Variants in FOXJ3 observed in about 807,000 individuals in gnomAD.
The protein encoded by FOXJ3 is forkhead box J3, also known as forkhead box protein J3.
FOXJ3 carries 22 observed loss-of-function variants against 76.1 expected under a neutral mutation model. The ratio of observed to expected loss-of-function variants is 0.29; its 90% CI spans 0.21 to 0.41. The LOEUF (loss-of-function observed/expected upper bound fraction) is 0.41. Ranked by LOEUF, FOXJ3 falls within the 10% of genes least tolerant of loss-of-function variation. FOXJ3 has a pLI of 1.00. For synonymous variants in FOXJ3, 269 were observed against 261.2 expected (o/e 1.03, Z -0.29); for missense variants, 613 against 762.1 (o/e 0.80, Z 2.30).
At chr1:42,228,038 C>CAT in intron 4 of FOXJ3, 72 bp from the exon 5 acceptor site, 2 of 727,940 alleles carry the variant, frequency 2.7e-6, no homozygotes, top group Non-Finnish European at 4.3e-6. Flanking sequence ...TTTTATAATC[C>CAT]TTTGCATCAA....
At chr1:42,218,594 A>G (rs1377491995) in intron 5 of FOXJ3, among the ~76,000 whole-genome samples, 3 of 152,212 alleles carry the variant, frequency 2.0e-5, no homozygotes, top group Admixed American at 1.3e-4. Flanking sequence ...AACTATCCAC[A>G]GCAATTTCCT....
intron 5 of FOXJ3, among the ~76,000 whole-genome samples, chr1:42,210,902 G>A (rs1440909271): frequency 6.6e-6 from 1 of 152,106 alleles, no homozygotes; most frequent in Non-Finnish European, 1.5e-5. Context: ...ACAATAGTCT[G>A]GCCCTCAGGG....
rs2124064876 is a variant in FOXJ3, at chr1:42,177,662, C to G, written c.*2048G>C. ...TTCATGCCAAGTAGGGTCCAAACAACAGAGAAACATAAAGCTCTTCCTTTC... is the reference window on the plus strand; with the variant it reads ...TTCATGCCAAGTAGGGTCCAAACAAGAGAGAAACATAAAGCTCTTCCTTTC... On this transcript the variant is annotated 3_prime_UTR_variant, in exon 13 of 13. Coordinates refer to ENST00000361346, the MANE Select transcript of FOXJ3 (RefSeq NM_014947.5). 6.6e-6 allele frequency: 1 copy of G among 152,574 alleles called. No individual in the cohort carries two copies. Among genetic ancestry groups the G allele is most frequent in the East Asian group, 1.9e-4 (1 of 5,168 alleles). 9.5% of individuals were successfully genotyped at this position (152,574 alleles called of 1,614,324 possible). A position where few individuals can be genotyped will look rare whatever the true frequency, so the allele number is the denominator to read the frequency against.
chr1:42,251,819 T>C (rs1473835108), intron 4 of FOXJ3, among the ~76,000 whole-genome samples: 1 of 147,252 alleles, frequency 6.8e-6, no homozygotes, highest in Non-Finnish European at 1.5e-5. Context: ...CCCGGGTTCA[T>C]GCCATTCTCC....
chr1:42,264,250 G>A (rs114323654), intron 4 of FOXJ3, among the ~76,000 whole-genome samples: 1 of 152,010 alleles, frequency 6.6e-6, no homozygotes, highest in African/African-American at 2.4e-5. Flanking sequence ...AGTTCTTCAT[G>A]ATGAGTCTTG....
rs1022181211 is a variant in FOXJ3 at position 42,322,636 on chromosome 1, A to T, written c.-17-11526T>A. On this transcript the variant is annotated intron_variant, in intron 1 of 12. Transcript: ENST00000361346. ...GATAATTAATTTTTTTCTTTCTCAG[A>T]TTTCAGGAAGCTAAGGATGACTAGT... is the stretch of plus-strand genomic sequence containing the variant. Among the ~76,000 whole-genome samples the T allele has an allele frequency of 8.5e-5, 13 of 152,158 alleles. No individual in the cohort carries two copies. In the East Asian group the frequency reaches 1.4e-3, roughly 16 times the overall value.
intron 9 of FOXJ3, chr1:42,189,815 T>G (rs769351751): frequency 1.9e-5 from 3 of 160,746 alleles, no homozygotes; most frequent in Admixed American, 6.3e-5. Context: ...TTCCCCTATA[T>G]AAAGTTCATT....
chr1:42,325,442 T>G (rs1387440789), intron 1 of FOXJ3, among the ~76,000 whole-genome samples: 1 of 152,230 alleles, frequency 6.6e-6, no homozygotes, highest in Non-Finnish European at 1.5e-5. Context: ...TCTCTGATTT[T>G]TCTCCCAAAC....
intron 2 of FOXJ3, among the ~76,000 whole-genome samples, chr1:42,308,872 T>A (rs1170496081): frequency 1.3e-5 from 2 of 152,034 alleles, no homozygotes; most frequent in African/African-American, 4.8e-5. Flanking sequence ...AGTATTCACA[T>A]ATAGAGATTT....
At chr1:42,303,437 T>C (rs1353286733) in intron 2 of FOXJ3, among the ~76,000 whole-genome samples, 1 of 152,216 alleles carries the variant, frequency 6.6e-6, no homozygotes, top group East Asian at 1.9e-4. Flanking sequence ...GCTTTATCAA[T>C]ACCAGTATGC....
rs1224385825 is a variant in FOXJ3 at position 42,177,396 on chromosome 1, C to T, written c.*2314G>A. The T allele has an allele frequency of 3.3e-5, 5 of 152,650 alleles. No homozygotes were observed. The highest frequency in any genetic ancestry group is 4.4e-5 in the Non-Finnish European group (3 of 68,034). The allele number at this position is 152,650 out of a possible 1,614,324, so 9.5% of individuals were successfully genotyped here. Reference sequence around the variant, plus strand: ...CAGTATGAGACTGCATTCCAATATCCAAATTGTTTAAAGTGCACATTGCTA... The same window carrying T: ...CAGTATGAGACTGCATTCCAATATCTAAATTGTTTAAAGTGCACATTGCTA... On this transcript the variant is annotated 3_prime_UTR_variant, in exon 13 of 13. Coordinates refer to ENST00000361346, the MANE Select transcript of FOXJ3 (RefSeq NM_014947.5).
At chr1:42,279,000 G>A (rs1652497512) in intron 2 of FOXJ3, among the ~76,000 whole-genome samples, 2 of 152,116 alleles carry the variant, frequency 1.3e-5, no homozygotes, top group South Asian at 2.1e-4. Flanking sequence ...ATCTTGGTAA[G>A]AAAAACCCAG....
At chr1:42,267,621 T>C (rs188530735) in intron 3 of FOXJ3, among the ~76,000 whole-genome samples, 137 of 149,708 alleles carry the variant, frequency 9.2e-4, no homozygotes, top group African/African-American at 3.3e-3. Context: ...GATAAAATAA[T>C]CAACAAAACC....
At position 42,245,715 on chromosome 1, in the gene FOXJ3, C is replaced by G. The variant is rs899996347; in HGVS notation, c.445-17749G>C. Among the ~76,000 whole-genome samples, 6 of 68,836 alleles carry G rather than the reference C, an allele frequency of 8.7e-5. No individual in the cohort carries two copies. In the East Asian group the frequency reaches 2.7e-3, roughly 31 times the overall value. 45.2% of individuals were successfully genotyped at this position (68,836 alleles called of 152,430 possible). ...GACAAACCCACAGCTAACATCATAC[C>G]AAACTGAAAAGCTGGAACTTTTTCC... On this transcript the variant is annotated intron_variant, in intron 4 of 12. Transcript: ENST00000361346.
chr1:42,187,012 T>C (rs1646450781), intron 11 of FOXJ3, among the ~76,000 whole-genome samples: 1 of 152,122 alleles, frequency 6.6e-6, no homozygotes, highest in South Asian at 2.1e-4. Context: ...CAGGTCCGGC[T>C]AATTTTTGTA....
At chr1:42,271,543 C>T (rs1651866563) in intron 3 of FOXJ3, among the ~76,000 whole-genome samples, 1 of 152,054 alleles carries the variant, frequency 6.6e-6, no homozygotes, top group South Asian at 2.1e-4. Flanking sequence ...AAAAGTAGCA[C>T]AATACACCCA....
chr1:42,301,911 G>A (rs1054953139), intron 2 of FOXJ3, among the ~76,000 whole-genome samples: 1 of 151,980 alleles, frequency 6.6e-6, no homozygotes, highest in Non-Finnish European at 1.5e-5. Flanking sequence ...TCCTCTGGTT[G>A]CTTCTCATCT....
chr1:42,196,368 C>A (rs1231071932), intron 7 of FOXJ3, among the ~76,000 whole-genome samples: 1 of 152,092 alleles, frequency 6.6e-6, no homozygotes, highest in African/African-American at 2.4e-5. Context: ...GCTTAGGGAC[C>A]GCTCGACCAT....
intron 2 of FOXJ3, among the ~76,000 whole-genome samples, chr1:42,294,391 T>C (rs773156316): frequency 1.1e-4 from 17 of 152,136 alleles, no homozygotes; most frequent in South Asian, 4.1e-4. Context: ...ATTCAAGCTG[T>C]TTACCTAAAT....
Sources: gnomAD v4.1 joint callset for allele counts (sites outside exome capture counted in the v4.1 genomes callset) on GRCh38, gnomAD v4.1.1 for gene constraint, MANE v1.5 for transcripts, NCBI Gene and HGNC (gene_info 2026-07-23, HGNC 2026-07-21) for gene names.